Variants in DOCK4 observed in about 807,000 individuals in gnomAD.
The protein encoded by DOCK4 is dedicator of cytokinesis 4.
Under a neutral mutation model 268.1 loss-of-function variants are expected in DOCK4, and 97 were observed. That is an observed-to-expected ratio of 0.36 (90% CI 0.31 to 0.43). The LOEUF is 0.43. Among genes scored for constraint, DOCK4 ranks in the 20% least tolerant of loss-of-function variants. The pLI, the probability that DOCK4 is intolerant of heterozygous loss-of-function variation, is 1.00. For missense variants in DOCK4, 2,145 were observed against 2,455.7 expected (o/e 0.87, Z 2.67); for synonymous variants, 954 against 887.2 (o/e 1.08, Z -1.34).
intron 1 of DOCK4, among the ~76,000 whole-genome samples, chr7:112,103,546 G>A (rs557528029): frequency 1.3e-5 from 2 of 152,258 alleles, no homozygotes; most frequent in Admixed American, 6.5e-5. Context: ...TCTGTCTTGG[G>A]AAAGCATAGA....
At chr7:111,953,518 G>A (rs989180513) in intron 8 of DOCK4, 1 of 152,192 alleles carries the variant, frequency 6.6e-6, no homozygotes, top group African/African-American at 2.4e-5. Context: ...ATCTGCTGTG[G>A]GAGACCAGAA....
At chr7:112,134,791 TTATAAG>T (rs773905307) in intron 1 of DOCK4, among the ~76,000 whole-genome samples, 39 of 142,906 alleles carry the variant, frequency 2.7e-4, no homozygotes, top group Admixed American at 7.0e-5. Flanking sequence ...GATTCTAAAA[TTATAAG>T]TATATCAAGG....
chr7:112,182,593 T>A (rs754072113), intron 1 of DOCK4, among the ~76,000 whole-genome samples: 2 of 152,226 alleles, frequency 1.3e-5, no homozygotes, highest in African/African-American at 2.4e-5. Flanking sequence ...ATTGTGTGTG[T>A]GAGAGAGAAA....
chr7:111,942,475 T>A (rs1474383334), intron 10 of DOCK4, among the ~76,000 whole-genome samples: 1 of 152,176 alleles, frequency 6.6e-6, no homozygotes, highest in African/African-American at 2.4e-5. Flanking sequence ...TCTTTGATTC[T>A]CCATTTTAAA....
chr7:111,946,589 A>G (rs1379586414), intron 8 of DOCK4, among the ~76,000 whole-genome samples: 1 of 152,126 alleles, frequency 6.6e-6, no homozygotes, highest in African/African-American at 2.4e-5. Context: ...TTTATTTATT[A>G]TTATTATTTT....
At position 112,132,519 on chromosome 7, in the gene DOCK4, T is replaced by C. The variant is rs189873389; in HGVS notation, c.37+73583A>G. On this transcript the variant is annotated intron_variant, in intron 1 of 52. Coordinates refer to ENST00000428084, the MANE Select transcript of DOCK4 (RefSeq NM_001363540.2). ...ATGATATCTAGAAACAACACAAAGA[T>C]TGATGGCATGCCTGCCCTGAAAGGA... Among the ~76,000 whole-genome samples, 195 of 152,048 alleles carry C rather than the reference T, an allele frequency of 1.3e-3. 1 individual carries two copies. Among genetic ancestry groups the C allele is most frequent in the African/African-American group, 4.3e-3 (179 of 41,460 alleles).
At chr7:111,849,943 C>A (rs1055782994) in intron 23 of DOCK4, among the ~76,000 whole-genome samples, 5 of 152,128 alleles carry the variant, frequency 3.3e-5, no homozygotes, top group African/African-American at 1.2e-4. Context: ...TGGCCCTACC[C>A]TAACTCCACA....
At chr7:112,156,136 T>C (rs1394057814) in intron 1 of DOCK4, among the ~76,000 whole-genome samples, 1 of 152,002 alleles carries the variant, frequency 6.6e-6, no homozygotes, top group Non-Finnish European at 1.5e-5. Flanking sequence ...AACCTTGAAA[T>C]TGTACTTTAC....
chr7:112,182,429 C>T (rs1282028596), intron 1 of DOCK4, among the ~76,000 whole-genome samples: 5 of 152,052 alleles, frequency 3.3e-5, no homozygotes, highest in East Asian at 1.9e-4. Context: ...TACACACCAA[C>T]GGAATAGGAA....
intron 36 of DOCK4, among the ~76,000 whole-genome samples, chr7:111,776,929 AC>A (rs1173719860): frequency 6.6e-6 from 1 of 152,028 alleles, no homozygotes. Context: ...CAAGTGATCC[AC>A]CTCAGCCTCC....
At chr7:111,997,137 A>G (rs1171612047) in intron 4 of DOCK4, among the ~76,000 whole-genome samples, 1 of 152,166 alleles carries the variant, frequency 6.6e-6, no homozygotes, top group Non-Finnish European at 1.5e-5. Context: ...ATATGGCTGG[A>G]GTGTATTCTG....
Position 111,728,263 on chromosome 7 carries a change from A to G in DOCK4, c.*11T>C, listed in dbSNP as rs1429480023. 2 of 1,473,656 alleles carry G rather than the reference A, an allele frequency of 1.4e-6. No individual in the cohort carries two copies. The highest frequency in any genetic ancestry group is 9.0e-7 in the Non-Finnish European group (1 of 1,111,764). 91.3% of individuals were successfully genotyped at this position (1,473,656 alleles called of 1,614,324 possible). A position where few individuals can be genotyped will look rare whatever the true frequency, so the allele number is the denominator to read the frequency against. Reference sequence around the variant, plus strand: ...GGCAAAGAATGCATCGCAGGTACATAGAAAAGTGACTTATAACTGAGAGAC... The same window carrying G: ...GGCAAAGAATGCATCGCAGGTACATGGAAAAGTGACTTATAACTGAGAGAC... On this transcript the variant is annotated 3_prime_UTR_variant, in exon 53 of 53. Coordinates refer to ENST00000428084, the MANE Select transcript of DOCK4 (RefSeq NM_001363540.2).
intron 41 of DOCK4, among the ~76,000 whole-genome samples, chr7:111,757,137 G>T (rs1310569432): frequency 6.6e-6 from 1 of 152,004 alleles, no homozygotes; most frequent in Non-Finnish European, 1.5e-5. Context: ...AGGGAGGAGG[G>T]GTGAGTGGGT....
chr7:112,043,414 T>G (rs538544737), intron 1 of DOCK4, among the ~76,000 whole-genome samples: 20 of 152,266 alleles, frequency 1.3e-4, no homozygotes, highest in African/African-American at 4.8e-4. Flanking sequence ...AATGATGAAT[T>G]AATAACATAA....
At chr7:111,994,347 G>A (rs879390435) in intron 4 of DOCK4, 116 bp from the exon 5 acceptor site, 1 of 576,116 alleles carries the variant, frequency 1.7e-6, no homozygotes, top group South Asian at 2.6e-5. Context: ...TCGTTCTACA[G>A]ACAGTAACCA....
intron 8 of DOCK4, among the ~76,000 whole-genome samples, chr7:111,969,263 AAAAG>A (rs1243820764): frequency 6.6e-6 from 1 of 152,044 alleles, no homozygotes; most frequent in East Asian, 1.9e-4. Context: ...CTGAAAAAAA[AAAAG>A]AATGTTTTCT....
At chr7:112,039,723 A>C (rs531102684) in intron 1 of DOCK4, among the ~76,000 whole-genome samples, 2 of 151,326 alleles carry the variant, frequency 1.3e-5, no homozygotes, top group Admixed American at 6.6e-5. Context: ...GTTTTTCTCA[A>C]AAAAAAAATT....
At chr7:111,866,686 AG>A (rs1185414049) in intron 22 of DOCK4, among the ~76,000 whole-genome samples, 1 of 152,158 alleles carries the variant, frequency 6.6e-6, no homozygotes, top group Non-Finnish European at 1.5e-5. Context: ...TAAAAAAAAA[AG>A]TCTCCTGAAT....
intron 1 of DOCK4, among the ~76,000 whole-genome samples, chr7:112,086,621 C>T (rs1468386083): frequency 6.6e-6 from 1 of 152,068 alleles, no homozygotes; most frequent in Non-Finnish European, 1.5e-5. Flanking sequence ...ATGTTGGTTT[C>T]CCATTAGGAT....
Sources: allele counts gnomAD v4.1 joint callset (sites outside exome capture counted in the v4.1 genomes callset), GRCh38; gene constraint gnomAD v4.1.1; transcripts MANE v1.5; gene names NCBI Gene and HGNC (gene_info 2026-07-23, HGNC 2026-07-21).